Variants in TXNRD3 observed in about 807,000 individuals in gnomAD.
TXNRD3 encodes thioredoxin reductase 3, also known as TXNRD3 neighbor gene protein.
A neutral mutation model predicts 78.2 loss-of-function variants in TXNRD3; 68 were observed. The observed-to-expected ratio is 0.87, with a 90% CI of 0.72 to 1.06. TXNRD3 has a LOEUF of 1.06. Among genes scored for constraint, TXNRD3 ranks in the 50% least tolerant of loss-of-function variants. TXNRD3 has a pLI of 0.00. For missense variants in TXNRD3, 751 were observed against 809.5 expected (o/e 0.93, Z 0.88); for synonymous variants, 296 against 300.1 (o/e 0.99, Z 0.14).
intron 10 of TXNRD3, among the ~76,000 whole-genome samples, chr3:126,623,694 A>G (rs1435291743): frequency 6.6e-6 from 1 of 152,162 alleles, no homozygotes; most frequent in Non-Finnish European, 1.5e-5. Flanking sequence ...AATTTTCGTC[A>G]CCAGATAAAA....
chr3:126,654,724 G>A, intron 1 of TXNRD3, 24 bp downstream of exon 1: 1 of 1,278,328 alleles, frequency 7.8e-7, no homozygotes, highest in Non-Finnish European at 9.9e-7. Context: ...CGCGCGCGGT[G>A]GAACCGGCGA....
intron 12 of TXNRD3, among the ~76,000 whole-genome samples, chr3:126,617,365 G>C (rs534544255): frequency 2.0e-4 from 30 of 152,266 alleles, no homozygotes; most frequent in African/African-American, 6.5e-4. Flanking sequence ...ATTTGCAGTT[G>C]AGATAATTCC....
intron 12 of TXNRD3, 109 bp downstream of exon 12, chr3:126,621,633 C>T (rs1266124851): frequency 9.3e-6 from 10 of 1,079,014 alleles, no homozygotes; most frequent in African/African-American, 1.6e-5. Context: ...CAAATTATAT[C>T]TCTGAGGAAC....
At position 126,607,636 on chromosome 3, in the gene TXNRD3, T is replaced by C; in HGVS notation, c.*269A>G. On this transcript the variant is annotated 3_prime_UTR_variant, in exon 16 of 16. Transcript: ENST00000524230. ...GAAGCTCAGTCCTGGCTTGCGAGAG[T>C]CAGCCTTGGCTCACCTCATAACGGG... 3.2e-6 allele frequency: 1 copy of C among 315,754 alleles called. No individual in the cohort carries two copies. The highest frequency in any genetic ancestry group is 5.8e-6 in the Non-Finnish European group (1 of 173,902). The allele number at this position is 315,754 out of a possible 1,614,324, so 19.6% of individuals were successfully genotyped here.
chr3:126,644,687 G>T (rs1323075210), intron 3 of TXNRD3, among the ~76,000 whole-genome samples: 1 of 152,222 alleles, frequency 6.6e-6, no homozygotes, highest in Non-Finnish European at 1.5e-5. Flanking sequence ...TATGTAAGAT[G>T]AGGTCATTTT....
intron 1 of TXNRD3, among the ~76,000 whole-genome samples, chr3:126,647,990 T>C (rs552824420): frequency 6.6e-6 from 1 of 152,250 alleles, no homozygotes; most frequent in Admixed American, 6.5e-5. Flanking sequence ...GACACACACA[T>C]ACCAAAACTG....
chr3:126,608,508 T>TG lies in TXNRD3; in HGVS notation c.1853dup (p.Cys619MetfsTer49). On this transcript the variant is annotated frameshift_variant, in exon 15 of 16. Coordinates refer to ENST00000524230, the MANE Select transcript of TXNRD3 (RefSeq NM_052883.3). LOFTEE classifies it high-confidence loss of function. ...ACCTCCTGTTTCCTACCTCCCCACA[T>TG]GTGGGGTGAATTCCAATGGTGTCAT... 6.5e-7 allele frequency: 1 copy of TG among 1,534,192 alleles called. No homozygotes were observed. Among genetic ancestry groups the TG allele is most frequent in the Non-Finnish European group, 8.7e-7 (1 of 1,146,280 alleles).
intron 6 of TXNRD3, among the ~76,000 whole-genome samples, chr3:126,634,287 G>A (rs1372736209): frequency 2.6e-5 from 4 of 152,178 alleles, no homozygotes; most frequent in African/African-American, 9.7e-5. Context: ...GTCCATGGAG[G>A]AGAAAATGGG....
At chr3:126,621,473 G>A (rs1376662725) in intron 12 of TXNRD3, among the ~76,000 whole-genome samples, 1 of 152,214 alleles carries the variant, frequency 6.6e-6, no homozygotes, top group African/African-American at 2.4e-5. Flanking sequence ...TGCTCAGCCT[G>A]TGCCTGCCTG....
At chr3:126,650,205 C>T (rs1933338906) in intron 1 of TXNRD3, among the ~76,000 whole-genome samples, 2 of 152,226 alleles carry the variant, frequency 1.3e-5, no homozygotes, top group African/African-American at 4.8e-5. Flanking sequence ...TTAACATTGA[C>T]TTTCCAACTA....
At chr3:126,641,083 A>G (rs1190038129) in intron 6 of TXNRD3, among the ~76,000 whole-genome samples, 3 of 152,146 alleles carry the variant, frequency 2.0e-5, no homozygotes, top group Non-Finnish European at 4.4e-5. Context: ...CTAGTTATTG[A>G]TCCTTGTAGC....
At chr3:126,609,969 A>C (rs1211818880) in intron 14 of TXNRD3, among the ~76,000 whole-genome samples, 1 of 152,198 alleles carries the variant, frequency 6.6e-6, no homozygotes, top group East Asian at 1.9e-4. Context: ...CCAAAGAATC[A>C]GGATATAGCC....
In TXNRD3 at chr3:126,607,925, G is replaced by A; in HGVS notation, c.1912C>T (p.Gln638Ter). ...CAGGCCTAGCCTCAGCAGCCTTTCT[G>A]AGTGATGTCTAGTCCTGACGACTTT... Residue 638 changes from glutamine (Q) to a stop codon, truncating the protein, a stop_gained, in exon 16 of 16, where the codon CAG becomes TAG. Coordinates refer to ENST00000524230, the MANE Select transcript of TXNRD3 (RefSeq NM_052883.3). LOFTEE classifies it high-confidence loss of function. The A allele has an allele frequency of 6.6e-7, 1 of 1,514,636 alleles. No individual in the cohort carries two copies. The highest frequency in any genetic ancestry group is 8.8e-7 in the Non-Finnish European group (1 of 1,130,536). The allele number at this position is 1,514,636 out of a possible 1,614,324, so 93.8% of individuals were successfully genotyped here. A position where few individuals can be genotyped will look rare whatever the true frequency, so the allele number is the denominator to read the frequency against.
Position 126,607,182 on chromosome 3 carries a change from T to C in TXNRD3, c.*723A>G, listed in dbSNP as rs1035066163. 4.6e-5 allele frequency: 7 copies of C among 152,224 alleles called. No homozygotes were observed. The highest frequency in any genetic ancestry group is 7.3e-5 in the Non-Finnish European group (5 of 68,032). 9.4% of individuals were successfully genotyped at this position (152,224 alleles called of 1,614,324 possible). A position where few individuals can be genotyped will look rare whatever the true frequency, so the allele number is the denominator to read the frequency against. On this transcript the variant is annotated 3_prime_UTR_variant, in exon 16 of 16. Coordinates refer to ENST00000524230, the MANE Select transcript of TXNRD3 (RefSeq NM_052883.3). ...GGAAATAATACTATTAAGATGAACA[T>C]GAAAAAGCAATTCAAGTACTTTTAT... is the stretch of plus-strand genomic sequence containing the variant.
chr3:126,623,311 G>A (rs1938499573), intron 10 of TXNRD3, among the ~76,000 whole-genome samples: 1 of 151,986 alleles, frequency 6.6e-6, no homozygotes, highest in Admixed American at 6.5e-5. Context: ...ACTCTTTCAG[G>A]AAAGAGAAAA....
At chr3:126,620,294 CAAAA>C (rs10539573) in intron 12 of TXNRD3, among the ~76,000 whole-genome samples, 4 of 99,510 alleles carry the variant, frequency 4.0e-5, no homozygotes, top group Non-Finnish European at 8.0e-5. Flanking sequence ...GACTCTGTCT[CAAAA>C]AAAAAAAAAA....
intron 6 of TXNRD3, among the ~76,000 whole-genome samples, chr3:126,634,576 A>G (rs1938806782): frequency 6.6e-6 from 1 of 152,136 alleles, no homozygotes; most frequent in Non-Finnish European, 1.5e-5. Flanking sequence ...GCCAACCTTC[A>G]ATATTACAGT....
intron 4 of TXNRD3, 60 bp downstream of exon 4, chr3:126,644,237 A>G: frequency 1.4e-6 from 2 of 1,434,898 alleles, no homozygotes; most frequent in African/African-American, 2.8e-5. Flanking sequence ...AAGTAGCAGA[A>G]GAAATAGCTA....
chr3:126,609,772 T>C (rs1938149227), intron 14 of TXNRD3, among the ~76,000 whole-genome samples: 1 of 151,942 alleles, frequency 6.6e-6, no homozygotes, highest in South Asian at 2.1e-4. Context: ...GCCACAGAGG[T>C]GCAGCCCACA....
Sources: allele counts gnomAD v4.1 joint callset (sites outside exome capture counted in the v4.1 genomes callset), GRCh38; gene constraint gnomAD v4.1.1; transcripts MANE v1.5; gene names NCBI Gene and HGNC (gene_info 2026-07-23, HGNC 2026-07-21).